Variants in CCDC73 observed in about 807,000 individuals in gnomAD.
CCDC73 encodes coiled-coil domain-containing protein 73.
A neutral mutation model predicts 116.5 loss-of-function variants in CCDC73; 95 were observed. The observed-to-expected ratio is 0.82, with a 90% confidence interval of 0.69 to 0.97. CCDC73 has a LOEUF of 0.97. Ranked by LOEUF, CCDC73 falls within the 50% of genes least tolerant of loss-of-function variation. The pLI, the probability that CCDC73 is intolerant of heterozygous loss-of-function variation, is 0.00. For missense variants in CCDC73, 1,066 were observed against 1,206.8 expected (o/e 0.88, Z 1.73); for synonymous variants, 398 against 401.3 (o/e 0.99, Z 0.10).
the CCDC73 span, among the ~76,000 whole-genome samples, chr11:32,801,559 T>C: frequency 6.0e-3 from 906 of 151,848 alleles, 5 homozygotes; most frequent in Admixed American, 9.8e-3. Context: ...GAGAATCGCT[T>C]GAACCTGGGA....
At chr11:32,743,101 C>T (rs1330056312) in intron 2 of CCDC73, among the ~76,000 whole-genome samples, 1 of 152,178 alleles carries the variant, frequency 6.6e-6, no homozygotes, top group African/African-American at 2.4e-5. Context: ...ATGCCTCCAG[C>T]TTTGTTCTTC....
In CCDC73 at chr11:32,602,730, A is replaced by C. The variant is rs1456753808; in HGVS notation, c.*81T>G. On this transcript the variant is annotated 3_prime_UTR_variant, in exon 18 of 18. Coordinates refer to ENST00000335185, the MANE Select transcript of CCDC73 (RefSeq NM_001008391.4). The stretch of plus-strand genomic sequence containing the variant: ...GCAAAGACAAACTGTAGAGCTTTAA[A>C]TACAACAGTCATTTTATTCTAGTAA... 1.3e-5 allele frequency: 14 copies of C among 1,107,058 alleles called. No individual in the cohort carries two copies. In the East Asian group the frequency reaches 3.3e-4, roughly 26 times the overall value. 68.6% of individuals were successfully genotyped at this position (1,107,058 alleles called of 1,614,324 possible). A position where few individuals can be genotyped will look rare whatever the true frequency, so the allele number is the denominator to read the frequency against.
chr11:32,773,158 A>G (rs1167187689), intron 1 of CCDC73, among the ~76,000 whole-genome samples: 5 of 152,204 alleles, frequency 3.3e-5, no homozygotes, highest in Non-Finnish European at 5.9e-5. Flanking sequence ...ACTAAATGAA[A>G]GAAGTCAATC....
At chr11:32,763,385 T>A (rs1850409723) in intron 1 of CCDC73, among the ~76,000 whole-genome samples, 1 of 152,220 alleles carries the variant, frequency 6.6e-6, no homozygotes, top group Non-Finnish European at 1.5e-5. Flanking sequence ...CGGGTACCCC[T>A]CTGAGACAAA....
chr11:32,805,666 C>A, the CCDC73 span, among the ~76,000 whole-genome samples: 1 of 152,152 alleles, frequency 6.6e-6, no homozygotes, highest in Non-Finnish European at 1.5e-5. Context: ...TGGCCAAATG[C>A]GGCTTGAAAC....
intron 1 of CCDC73, among the ~76,000 whole-genome samples, chr11:32,778,778 G>A (rs554629446): frequency 3.3e-5 from 5 of 152,144 alleles, no homozygotes; most frequent in African/African-American, 4.8e-5. Flanking sequence ...TAGCCTGGGG[G>A]ACAAGAGTGA....
chr11:32,613,619 A>C lies in CCDC73; in HGVS notation c.2699T>G (p.Val900Gly). ...ACCGGGGTCTGAAAAATTCATGTAT[A>C]CTGGAGTTTTCTCAGTTTTTTTATC... ...TSDKKTEKTP[V>G]YMNFSDPGPW... The change falls in exon 16 of 18, where the codon GTA (valine) becomes GGA (glycine). Residue 900 changes from valine (V) to glycine (G), a missense_variant. By Grantham distance (109) the Val-to-Gly change is moderately radical. Transcript: ENST00000335185. 1.2e-6 allele frequency: 2 copies of C among 1,614,040 alleles called. No homozygotes were observed. Among genetic ancestry groups the C allele is most frequent in the Non-Finnish European group, 1.7e-6 (2 of 1,179,976 alleles).
the CCDC73 span, among the ~76,000 whole-genome samples, chr11:32,827,160 G>A: frequency 1.3e-5 from 2 of 152,060 alleles, no homozygotes; most frequent in Non-Finnish European, 2.9e-5. Flanking sequence ...CACCGTGCCC[G>A]ACCAAGAATA....
intron 1 of CCDC73, among the ~76,000 whole-genome samples, chr11:32,793,705 G>C (rs890652397): frequency 3.3e-5 from 5 of 152,020 alleles, no homozygotes; most frequent in African/African-American, 9.7e-5. Flanking sequence ...CCGCCTCCCG[G>C]GTTCAAGCAA....
At position 32,726,792 on chromosome 11, in the gene CCDC73, C is replaced by T. The variant is rs941759927; in HGVS notation, c.136-8645G>A. On this transcript the variant is annotated intron_variant, in intron 2 of 17. Transcript: ENST00000335185. ...GCTAGAAATCAATTTTTTAAGTTAGCAAAAAATAAAATACCCAAATATTCT... is the reference window on the plus strand; with the variant it reads ...GCTAGAAATCAATTTTTTAAGTTAGTAAAAAATAAAATACCCAAATATTCT... Among the ~76,000 whole-genome samples the T allele has an allele frequency of 2.6e-5, 4 of 151,706 alleles. No individual in the cohort carries two copies. The South Asian group carries it at 6.2e-4, about 24-fold the overall frequency.
At chr11:32,693,175 G>T (rs551614296) in intron 6 of CCDC73, among the ~76,000 whole-genome samples, 1 of 152,182 alleles carries the variant, frequency 6.6e-6, no homozygotes, top group African/African-American at 2.4e-5. Flanking sequence ...CCTGTGCCTA[G>T]CACATACCAG....
At chr11:32,707,926 T>G (rs1039513330) in intron 3 of CCDC73, among the ~76,000 whole-genome samples, 1 of 152,244 alleles carries the variant, frequency 6.6e-6, no homozygotes, top group Middle Eastern at 3.4e-3. Context: ...AACTTAAATT[T>G]TGTGGCTTAA....
the CCDC73 span, among the ~76,000 whole-genome samples, chr11:32,818,918 T>G: frequency 6.6e-6 from 1 of 151,936 alleles, no homozygotes; most frequent in Non-Finnish European, 1.5e-5. Flanking sequence ...GAATGGGAAA[T>G]GGGGAGTGAC....
At chr11:32,749,646 T>G (rs1850269500) in intron 2 of CCDC73, among the ~76,000 whole-genome samples, 1 of 152,078 alleles carries the variant, frequency 6.6e-6, no homozygotes, top group Non-Finnish European at 1.5e-5. Flanking sequence ...CTGGCCTTTT[T>G]GTACCCATCC....
intron 17 of CCDC73, among the ~76,000 whole-genome samples, chr11:32,607,819 AAGAT>A (rs36143339): frequency 0.26 from 39,430 of 151,924 alleles, 5,562 homozygotes; most frequent in South Asian, 0.35. Context: ...TGGAAAAAAA[AAGAT>A]AGGTTTAACG....
intron 2 of CCDC73, chr11:32,758,506 C>T (rs964802804): frequency 9.4e-5 from 43 of 459,264 alleles, no homozygotes; most frequent in African/African-American, 1.6e-4. Context: ...ATGGTGGTTC[C>T]ATGTATGCTA....
At chr11:32,797,485 A>G (rs1850735043), upstream of CCDC73, among the ~76,000 whole-genome samples, 1 of 152,052 alleles carries the variant, frequency 6.6e-6, no homozygotes, top group Non-Finnish European at 1.5e-5. Context: ...CATCCTTTAA[A>G]TTCCAGTTCA....
intron 13 of CCDC73, among the ~76,000 whole-genome samples, chr11:32,636,837 T>C (rs548481280): frequency 2.0e-5 from 3 of 151,982 alleles, no homozygotes; most frequent in Non-Finnish European, 4.4e-5. Context: ...GTGTTCTTCA[T>C]TCCTTCCTCT....
At chr11:32,669,131 A>C (rs1856013429) in intron 9 of CCDC73, among the ~76,000 whole-genome samples, 1 of 152,196 alleles carries the variant, frequency 6.6e-6, no homozygotes, top group African/African-American at 2.4e-5. Context: ...AAATAAATCT[A>C]GTTGTTTCAG....
Sources: allele counts gnomAD v4.1 joint callset (sites outside exome capture counted in the v4.1 genomes callset), GRCh38; gene constraint gnomAD v4.1.1; transcripts MANE v1.5; gene names NCBI Gene and HGNC (gene_info 2026-07-23, HGNC 2026-07-21).